L3MBTL3: variants seen among roughly 807,000 people sequenced by gnomAD.
The protein encoded by L3MBTL3 is lethal(3)malignant brain tumor-like protein 3.
Under a neutral mutation model 102.3 loss-of-function variants are expected in L3MBTL3, and 27 were observed. The observed-to-expected ratio is 0.26, with a 90% CI of 0.19 to 0.36. L3MBTL3 has a LOEUF of 0.36. Ranked by LOEUF, L3MBTL3 falls within the 10% of genes least tolerant of loss-of-function variation. The pLI, the probability that L3MBTL3 is intolerant of heterozygous loss-of-function variation, is 1.00. For synonymous variants in L3MBTL3, 340 were observed against 320.9 expected, an observed-to-expected ratio of 1.06 and a Z score of -0.64; for missense variants, 798 against 955.3, an observed-to-expected ratio of 0.84 and a Z score of 2.17.
At chr6:130,131,862 T>C (rs1050113274) in intron 20 of L3MBTL3, among the ~76,000 whole-genome samples, 3 of 152,210 alleles carry the variant, frequency 2.0e-5, no homozygotes, top group Non-Finnish European at 4.4e-5. Flanking sequence ...CTGGCTTCTT[T>C]ACTGCAGTCT....
rs533129927 is a variant in L3MBTL3, at chr6:130,040,313, A to G, written c.-15-2372A>G. Among the ~76,000 whole-genome samples the G allele has an allele frequency of 5.9e-5, 9 of 151,488 alleles. No homozygotes were observed. The South Asian group carries it at 1.9e-3, about 32-fold the overall frequency. On this transcript the variant is annotated intron_variant, in intron 2 of 22. Transcript: ENST00000361794. ...CATTGTACTCTCCAGCCTGGACGAC[A>G]ACAGCGAAACTCTGTCTCAAAAAAA...
At chr6:130,042,097 A>G (rs1383365657) in intron 2 of L3MBTL3, among the ~76,000 whole-genome samples, 1 of 152,236 alleles carries the variant, frequency 6.6e-6, no homozygotes, top group African/African-American at 2.4e-5. Flanking sequence ...ACAGTCTTAG[A>G]ACAACAGTAT....
Position 130,133,782 on chromosome 6 carries a change from C to G in L3MBTL3, c.2137-61C>G. ...TGCATATGGGTTAAATGTTTTGAAC[C>G]TGTAGCATTTAGATTCTGACTGTGT... On this transcript the variant is annotated intron_variant, in intron 21 of 22. Coordinates refer to ENST00000361794, the MANE Select transcript of L3MBTL3 (RefSeq NM_032438.4). This position sits in a 1 kb window ranked among gnomAD's most constrained non-coding sequence, Gnocchi z 4.9. 6.6e-7 allele frequency: 1 copy of G among 1,505,962 alleles called. No individual in the cohort carries two copies. The highest frequency in any genetic ancestry group is 9.2e-7 in the Non-Finnish European group (1 of 1,083,042). The allele number at this position is 1,505,962 out of a possible 1,614,324, so 93.3% of individuals were successfully genotyped here. A position where few individuals can be genotyped will look rare whatever the true frequency, so the allele number is the denominator to read the frequency against.
chr6:130,108,220 GTTTTTTTTTTGT>G (rs1345811047), intron 19 of L3MBTL3, among the ~76,000 whole-genome samples: 1 of 118,706 alleles, frequency 8.4e-6, no homozygotes, highest in Non-Finnish European at 1.8e-5. Context: ...ATGTTAGGTG[GTTTTTTTTTTGT>G]TTTTTTTTTT....
At chr6:130,056,774 C>T (rs931410183) in intron 8 of L3MBTL3, among the ~76,000 whole-genome samples, 10 of 152,030 alleles carry the variant, frequency 6.6e-5, no homozygotes, top group African/African-American at 9.7e-5. Context: ...TTAAGTTTTC[C>T]GATTTTTTTC....
chr6:130,059,066 C>G (rs938726108), intron 9 of L3MBTL3, among the ~76,000 whole-genome samples: 2 of 151,866 alleles, frequency 1.3e-5, no homozygotes, highest in African/African-American at 4.8e-5. Context: ...AGAGAAGAGA[C>G]TTTTTCACAT....
chr6:130,113,621 C>T (rs548862970), intron 19 of L3MBTL3, among the ~76,000 whole-genome samples: 3 of 152,336 alleles, frequency 2.0e-5, no homozygotes, highest in Admixed American at 6.5e-5. Flanking sequence ...CTTAACTGGT[C>T]TAATGGCAGA....
At chr6:130,105,431 C>T (rs1370593449) in intron 19 of L3MBTL3, among the ~76,000 whole-genome samples, 1 of 152,144 alleles carries the variant, frequency 6.6e-6, no homozygotes, top group East Asian at 1.9e-4. Context: ...GTATTAACAA[C>T]AGTGATGGTT....
intron 13 of L3MBTL3, among the ~76,000 whole-genome samples, chr6:130,077,292 G>A (rs758649552): frequency 2.0e-5 from 3 of 152,018 alleles, no homozygotes; most frequent in Non-Finnish European, 4.4e-5. Context: ...TTATAAAAGT[G>A]CATCTTAATG....
intron 10 of L3MBTL3, among the ~76,000 whole-genome samples, chr6:130,062,917 A>G (rs1423681008): frequency 6.6e-6 from 1 of 150,876 alleles, no homozygotes; most frequent in Non-Finnish European, 1.5e-5. Flanking sequence ...TAAATCTTTG[A>G]TGCTTATTGC....
intron 13 of L3MBTL3, 104 bp from the exon 14 acceptor site, chr6:130,078,454 G>A (rs1584385835): frequency 1.4e-6 from 1 of 725,240 alleles, no homozygotes; most frequent in Non-Finnish European, 2.3e-6. Flanking sequence ...GTAATAAATA[G>A]AACTCTCTGT....
intron 12 of L3MBTL3, among the ~76,000 whole-genome samples, chr6:130,070,634 A>G (rs941814348): frequency 2.0e-5 from 3 of 152,174 alleles, no homozygotes; most frequent in Non-Finnish European, 4.4e-5. Flanking sequence ...TAAAATGTGA[A>G]CTATATGGTG....
At chr6:130,034,921 C>T (rs1300954702) in intron 2 of L3MBTL3, among the ~76,000 whole-genome samples, 8 of 152,128 alleles carry the variant, frequency 5.3e-5, no homozygotes, top group East Asian at 1.9e-4. Flanking sequence ...AGGAGTGAAC[C>T]GTACACCTCC....
intron 22 of L3MBTL3, among the ~76,000 whole-genome samples, chr6:130,139,173 G>GAA (rs11380610): frequency 0.021 from 3,126 of 148,976 alleles, 47 homozygotes; most frequent in Non-Finnish European, 0.024. Context: ...GCTAATTCTG[G>GAA]AAAAAAAAAA....
chr6:130,115,595 A>G (rs919756604), intron 19 of L3MBTL3, among the ~76,000 whole-genome samples: 1 of 152,200 alleles, frequency 6.6e-6, no homozygotes, highest in Non-Finnish European at 1.5e-5. Flanking sequence ...TGTCTGTTTT[A>G]CTAATATTTA....
intron 13 of L3MBTL3, among the ~76,000 whole-genome samples, chr6:130,072,557 TAC>T (rs1000020125): frequency 6.6e-5 from 10 of 152,304 alleles, no homozygotes; most frequent in African/African-American, 2.2e-4. Context: ...TTCATTGAAA[TAC>T]AGTCAATTTC....
chr6:130,023,603 G>A (rs1361920662), intron 2 of L3MBTL3, among the ~76,000 whole-genome samples: 1 of 152,106 alleles, frequency 6.6e-6, no homozygotes, highest in African/African-American at 2.4e-5. Flanking sequence ...ACCTCCTTCA[G>A]CCTCCATTTC....
intron 22 of L3MBTL3, 112 bp downstream of exon 22, chr6:130,134,017 G>C (rs1346365315): frequency 1.2e-6 from 1 of 803,074 alleles, no homozygotes; most frequent in Non-Finnish European, 2.1e-6. Flanking sequence ...GGGGTGTGTT[G>C]AAATTGACAA....
intron 11 of L3MBTL3, among the ~76,000 whole-genome samples, chr6:130,067,615 A>C (rs533268254): frequency 6.6e-6 from 1 of 152,330 alleles, no homozygotes; most frequent in African/African-American, 2.4e-5. Flanking sequence ...GCATAGAAAA[A>C]GTGAGGGTGA....
Sources: gnomAD v4.1 joint callset for allele counts (sites outside exome capture counted in the v4.1 genomes callset) on GRCh38, gnomAD v4.1.1 for gene constraint, Gnocchi (gnomAD v3.1) non-coding constraint, MANE v1.5 for transcripts, NCBI Gene and HGNC (gene_info 2026-07-23, HGNC 2026-07-21) for gene names.